Variants in TCF7L2 observed in about 807,000 individuals in gnomAD.
The protein encoded by TCF7L2 is transcription factor 7-like 2.
TCF7L2 carries 23 observed loss-of-function variants against 77.9 expected under a neutral mutation model. The observed-to-expected ratio is 0.30, with a 90% CI of 0.21 to 0.42. The LOEUF (loss-of-function observed/expected upper bound fraction) is 0.42, where lower values mean the gene tolerates loss of function less well. Among genes scored for constraint, TCF7L2 ranks in the 10% least tolerant of loss-of-function variants. The pLI is 1.00. For synonymous variants in TCF7L2, 413 were observed against 340.2 expected (o/e 1.21, Z -2.36); for missense variants, 654 against 793.1 (o/e 0.82, Z 2.11).
intron 4 of TCF7L2, among the ~76,000 whole-genome samples, chr10:112,984,646 C>A (rs967476738): frequency 6.6e-6 from 1 of 151,858 alleles, no homozygotes; most frequent in African/African-American, 2.4e-5. Context: ...CTGGGGAGAA[C>A]CTTGTCTTTG....
At chr10:113,089,299 T>C (rs1027160325) in intron 5 of TCF7L2, 1 of 1,314,472 alleles carries the variant, frequency 7.6e-7, no homozygotes, top group Non-Finnish European at 1.0e-6. Context: ...TATAGAAATG[T>C]GGGTTAGGGC....
rs2052165171 is a variant in TCF7L2 at position 113,040,057 on chromosome 10, C to A, written c.483C>A (p.Val161=). The change falls in exon 5 of 14, where the codon GTC becomes GTA. Residue 161 remains valine (V), a synonymous_variant. Transcript: ENST00000627217. ...AGATGAAATGGCCACTGCTTGATGT[C>A]CAGGCAGGGAGCCTCCAGAGTAGAC... is the stretch of plus-strand genomic sequence containing the variant. 6.2e-7 allele frequency: 1 copy of A among 1,613,964 alleles called. No homozygotes were observed. The highest frequency in any genetic ancestry group is 8.5e-7 in the Non-Finnish European group (1 of 1,179,920).
intron 4 of TCF7L2, among the ~76,000 whole-genome samples, chr10:113,025,212 G>A (rs2048933453): frequency 6.9e-6 from 1 of 145,230 alleles, no homozygotes; most frequent in African/African-American, 2.6e-5. Context: ...CATGCACTGT[G>A]ACTGGATTTT....
rs544965225 is a variant in TCF7L2, at chr10:112,954,181, T to C, written c.381+2574T>C. On this transcript the variant is annotated intron_variant, in intron 3 of 13. Transcript: ENST00000627217. The stretch of plus-strand genomic sequence containing the variant: ...TACTCTTCTGAAATCCTTAGTGTTT[T>C]ATAGGGTGTGTTTTTAATGGCAAGG... Among the ~76,000 whole-genome samples the C allele has an allele frequency of 2.3e-5, 3 of 130,970 alleles. No homozygotes were observed. In the South Asian group the frequency reaches 7.0e-4, roughly 30 times the overall value. The allele number at this position is 130,970 out of a possible 152,430, so 85.9% of individuals were successfully genotyped here. A position where few individuals can be genotyped will look rare whatever the true frequency, so the allele number is the denominator to read the frequency against.
chr10:112,955,969 G>A (rs1282040866), intron 3 of TCF7L2, among the ~76,000 whole-genome samples: 1 of 151,794 alleles, frequency 6.6e-6, no homozygotes, highest in Non-Finnish European at 1.5e-5. Flanking sequence ...CCCTGGCTGT[G>A]TGCAAAAAGT....
At chr10:113,014,928 C>T (rs1043491624) in intron 4 of TCF7L2, among the ~76,000 whole-genome samples, 1 of 152,218 alleles carries the variant, frequency 6.6e-6, no homozygotes, top group Non-Finnish European at 1.5e-5. Flanking sequence ...TGGCTCATGC[C>T]TATAATCCCA....
At chr10:113,061,139 AC>A (rs903940481) in intron 5 of TCF7L2, among the ~76,000 whole-genome samples, 2 of 149,662 alleles carry the variant, frequency 1.3e-5, no homozygotes, top group East Asian at 2.0e-4. Flanking sequence ...ACCACCCCTC[AC>A]CCCCCCGACA....
At chr10:113,139,811 T>TAAA (rs34407643) in intron 5 of TCF7L2, among the ~76,000 whole-genome samples, 8 of 138,378 alleles carry the variant, frequency 5.8e-5, no homozygotes, top group African/African-American at 2.1e-4. Context: ...CTCACCCATT[T>TAAA]AAAAAAAAAA....
At chr10:113,075,167 C>G (rs2058548977) in intron 5 of TCF7L2, among the ~76,000 whole-genome samples, 1 of 152,064 alleles carries the variant, frequency 6.6e-6, no homozygotes, top group Non-Finnish European at 1.5e-5. Context: ...GAAAAGAATA[C>G]TTTAAATGGG....
At chr10:113,107,623 G>A (rs1162106837) in intron 5 of TCF7L2, among the ~76,000 whole-genome samples, 1 of 151,706 alleles carries the variant, frequency 6.6e-6, no homozygotes, top group Non-Finnish European at 1.5e-5. Flanking sequence ...AGTACCTGTA[G>A]TCCCAGCTAC....
chr10:113,152,203 A>G, intron 10 of TCF7L2, 130 bp from the exon 11 acceptor site: 1 of 896,954 alleles, frequency 1.1e-6, no homozygotes, highest in Non-Finnish European at 1.9e-6. Context: ...TACAGATTAT[A>G]CCATTTCTGG....
intron 5 of TCF7L2, among the ~76,000 whole-genome samples, chr10:113,040,991 C>T (rs1456400112): frequency 1.3e-5 from 2 of 152,110 alleles, no homozygotes; most frequent in African/African-American, 2.4e-5. Context: ...ATTTGAGTAT[C>T]ACAAAATGTT....
intron 11 of TCF7L2, among the ~76,000 whole-genome samples, chr10:113,153,345 G>T (rs2137212375): frequency 6.6e-6 from 1 of 152,272 alleles, no homozygotes; most frequent in African/African-American, 2.4e-5. Flanking sequence ...CATGACATTT[G>T]GTTCCGTGAA....
intron 4 of TCF7L2, among the ~76,000 whole-genome samples, chr10:113,009,313 CT>C (rs2046075447): frequency 6.6e-6 from 1 of 152,176 alleles, no homozygotes; most frequent in South Asian, 2.1e-4. Context: ...CTGGAGCAGC[CT>C]TCCCTGTCTC....
At chr10:113,163,592 T>C (rs956231419) in intron 13 of TCF7L2, among the ~76,000 whole-genome samples, 1 of 152,122 alleles carries the variant, frequency 6.6e-6, no homozygotes, top group Non-Finnish European at 1.5e-5. Flanking sequence ...GGTTTAAAAC[T>C]CTGAGAGGCT....
chr10:113,120,262 C>G (rs2064564055), intron 5 of TCF7L2, among the ~76,000 whole-genome samples: 1 of 152,074 alleles, frequency 6.6e-6, no homozygotes, highest in Non-Finnish European at 1.5e-5. Flanking sequence ...ATGAAAATTA[C>G]CAGGGACAGG....
rs192529928 is a variant in TCF7L2, at chr10:113,017,273, C to T, written c.451-22752C>T. Among the ~76,000 whole-genome samples the T allele has an allele frequency of 3.3e-5, 5 of 152,340 alleles. No homozygotes were observed. In the East Asian group the frequency reaches 7.7e-4, roughly 24 times the overall value. ...ATCTGGGGCAGAGCCTGAGACTTTT[C>T]TCATTGATTTCCTCTGTGAGCCAGG... On this transcript the variant is annotated intron_variant, in intron 4 of 13. Transcript: ENST00000627217.
At chr10:112,988,260 G>A (rs776618083) in intron 4 of TCF7L2, among the ~76,000 whole-genome samples, 80 of 152,010 alleles carry the variant, frequency 5.3e-4, no homozygotes, top group Middle Eastern at 3.4e-3. Flanking sequence ...ACCAGGCTGG[G>A]CTGATTTTTA....
chr10:113,064,043 T>C (rs1222464137), intron 5 of TCF7L2, among the ~76,000 whole-genome samples: 1 of 152,138 alleles, frequency 6.6e-6, no homozygotes, highest in Non-Finnish European at 1.5e-5. Flanking sequence ...GGGAGGCGTT[T>C]ATTGGTATTT....
Sources: gnomAD v4.1 joint callset for allele counts (sites outside exome capture counted in the v4.1 genomes callset) on GRCh38, gnomAD v4.1.1 for gene constraint, MANE v1.5 for transcripts, NCBI Gene and HGNC (gene_info 2026-07-23, HGNC 2026-07-21) for gene names.